TSHZ2: variants seen among roughly 807,000 people sequenced by gnomAD.
TSHZ2 encodes the protein teashirt homolog 2.
A neutral mutation model predicts 74.4 loss-of-function variants in TSHZ2; 21 were observed. The ratio of observed to expected loss-of-function variants is 0.28; its 90% CI spans 0.20 to 0.41. The LOEUF (loss-of-function observed/expected upper bound fraction) is 0.41. Ranked by LOEUF, TSHZ2 falls within the 10% of genes least tolerant of loss-of-function variation. TSHZ2 has a pLI of 1.00. For synonymous variants in TSHZ2, 540 were observed against 515.3 expected, an observed-to-expected ratio of 1.05 and a Z score of -0.65; for missense variants, 1,244 against 1,293.5, an observed-to-expected ratio of 0.96 and a Z score of 0.59.
At chr20:53,320,188 G>T (rs1165379007) in intron 2 of TSHZ2, among the ~76,000 whole-genome samples, 1 of 152,170 alleles carries the variant, frequency 6.6e-6, no homozygotes, top group Non-Finnish European at 1.5e-5. Flanking sequence ...CTGAGTGCTT[G>T]ACCCTTGTTC....
intron 1 of TSHZ2, among the ~76,000 whole-genome samples, chr20:53,072,989 T>TCATC: frequency 9.8e-6 from 1 of 101,722 alleles, no homozygotes; most frequent in Non-Finnish European, 2.1e-5. Context: ...ATCCCTCCCT[T>TCATC]CATCCATCCC....
At chr20:53,229,754 AGAAAGGAGGGG>A (rs1230394714) in intron 1 of TSHZ2, among the ~76,000 whole-genome samples, 1 of 150,610 alleles carries the variant, frequency 6.6e-6, no homozygotes, top group Non-Finnish European at 1.5e-5. Context: ...CAGAATCGAA[AGAAAGGAGGGG>A]GAAAGGAGGG....
intron 2 of TSHZ2, among the ~76,000 whole-genome samples, chr20:53,425,924 A>G (rs1983639271): frequency 1.3e-5 from 2 of 151,910 alleles, no homozygotes; most frequent in Non-Finnish European, 2.9e-5. Flanking sequence ...AAAAAAGGGA[A>G]TTCCTGCTGT....
chr20:53,363,672 G>A (rs1465804996), intron 2 of TSHZ2, among the ~76,000 whole-genome samples: 1 of 152,192 alleles, frequency 6.6e-6, no homozygotes, highest in Non-Finnish European at 1.5e-5. Flanking sequence ...TTGTGACTGG[G>A]CGTGGTGGCT....
intron 2 of TSHZ2, among the ~76,000 whole-genome samples, chr20:53,283,476 C>A (rs1991103862): frequency 6.6e-6 from 1 of 152,152 alleles, no homozygotes; most frequent in Admixed American, 6.5e-5. Context: ...GCGCCTTGAC[C>A]ATCACCACAC....
intron 2 of TSHZ2, among the ~76,000 whole-genome samples, chr20:53,339,484 G>A (rs1568875186): frequency 6.6e-6 from 1 of 152,176 alleles, no homozygotes; most frequent in Non-Finnish European, 1.5e-5. Flanking sequence ...AGACAGCTCC[G>A]TCCTTCTCAC....
At chr20:53,288,869 C>T (rs1337641230) in intron 2 of TSHZ2, among the ~76,000 whole-genome samples, 2 of 151,894 alleles carry the variant, frequency 1.3e-5, no homozygotes, top group Non-Finnish European at 2.9e-5. Context: ...TTTGGTAAAA[C>T]GGATAAGTCA....
chr20:53,214,953 A>G (rs953978748), intron 1 of TSHZ2, among the ~76,000 whole-genome samples: 2 of 152,086 alleles, frequency 1.3e-5, no homozygotes, highest in African/African-American at 4.8e-5. Context: ...TTGAGATAAG[A>G]GTTCATGGGG....
At chr20:53,246,036 C>CTTTTTTTTTTTTTTTTTTTTTTTTTTTT (rs201257665) in intron 1 of TSHZ2, among the ~76,000 whole-genome samples, 2 of 126,742 alleles carry the variant, frequency 1.6e-5, no homozygotes, top group African/African-American at 6.4e-5. Context: ...TTCTTTCTTT[C>CTTTTTTTTTTTTTTTTTTTTTTTTTTTT]TTTCTTTTTT....
chr20:53,249,565 C>A (rs138660636), intron 1 of TSHZ2, among the ~76,000 whole-genome samples: 104 of 151,894 alleles, frequency 6.8e-4, no homozygotes, highest in African/African-American at 2.3e-3. Context: ...TGAGAAGGGC[C>A]CATTGGAGCT....
intron 2 of TSHZ2, among the ~76,000 whole-genome samples, chr20:53,430,549 G>C (rs1272326832): frequency 6.6e-6 from 1 of 151,702 alleles, no homozygotes; most frequent in African/African-American, 2.4e-5. Context: ...AAGTTTATGG[G>C]CCATATGCAG....
chr20:53,146,320 T>C (rs1049179424), intron 1 of TSHZ2, among the ~76,000 whole-genome samples: 16 of 152,130 alleles, frequency 1.1e-4, no homozygotes, highest in African/African-American at 3.1e-4. Context: ...TTTCATTTCT[T>C]CTTGGACTGT....
At chr20:53,088,041 G>A (rs929429553) in intron 1 of TSHZ2, among the ~76,000 whole-genome samples, 1 of 152,164 alleles carries the variant, frequency 6.6e-6, no homozygotes, top group Admixed American at 6.5e-5. Context: ...CCCCATGTCT[G>A]TCTTCAAGAT....
chr20:52,980,424 G>GA (rs1205437592), intron 1 of TSHZ2, among the ~76,000 whole-genome samples: 153 of 143,856 alleles, frequency 1.1e-3, no homozygotes, highest in African/African-American at 3.8e-3. Context: ...AGGTGGGTTT[G>GA]AAGAAAAAAA....
intron 1 of TSHZ2, among the ~76,000 whole-genome samples, chr20:53,137,100 A>G (rs1418394303): frequency 6.6e-6 from 1 of 152,062 alleles, no homozygotes. Context: ...AATACATGCA[A>G]TCAACCAGTT....
intron 2 of TSHZ2, among the ~76,000 whole-genome samples, chr20:53,298,429 C>T (rs1024179599): frequency 6.6e-6 from 1 of 152,216 alleles, no homozygotes; most frequent in Non-Finnish European, 1.5e-5. Context: ...TCAAGGACCC[C>T]ACTCTGAAGA....
intron 1 of TSHZ2, among the ~76,000 whole-genome samples, chr20:53,015,647 T>G (rs2256423): frequency 0.54 from 81,980 of 151,946 alleles, 23,053 homozygotes; most frequent in East Asian, 0.77. Flanking sequence ...TTAAGTTCTA[T>G]GTTAAAATAT....
chr20:53,009,688 A>G (rs957875594), intron 1 of TSHZ2, among the ~76,000 whole-genome samples: 1 of 152,206 alleles, frequency 6.6e-6, no homozygotes, highest in African/African-American at 2.4e-5. Context: ...GAAGATTCAG[A>G]GGAGAAAGAT....
At chr20:53,439,757 C>A (rs1028174125) in intron 2 of TSHZ2, among the ~76,000 whole-genome samples, 2 of 152,162 alleles carry the variant, frequency 1.3e-5, no homozygotes, top group South Asian at 2.1e-4. Context: ...GTTTCCACCC[C>A]CCTTGTTTTC....
Sources: gnomAD v4.1 joint callset for allele counts (sites outside exome capture counted in the v4.1 genomes callset) on GRCh38, gnomAD v4.1.1 for gene constraint, MANE v1.5 for transcripts, NCBI Gene and HGNC (gene_info 2026-07-23, HGNC 2026-07-21) for gene names.